Variants in GABRA1 observed in about 807,000 individuals in gnomAD.
GABRA1 encodes the protein gamma-aminobutyric acid receptor subunit alpha-1.
A neutral mutation model predicts 48.9 loss-of-function variants in GABRA1; 9 were observed. The observed-to-expected ratio is 0.18, with a 90% CI of 0.11 to 0.32. GABRA1 has a LOEUF of 0.32. Among genes scored for constraint, GABRA1 ranks in the 10% least tolerant of loss-of-function variants. GABRA1 has a pLI of 1.00. For missense variants in GABRA1, 285 were observed against 553.8 expected (o/e 0.51, Z 4.87); for synonymous variants, 210 against 198.7 (o/e 1.06, Z -0.48).
chr5:161,859,770 A>G lies in GABRA1; in HGVS notation c.187+5500A>G, dbSNP rs1484355037. On this transcript the variant is annotated intron_variant, in intron 3 of 9. Coordinates refer to ENST00000393943, the MANE Select transcript of GABRA1 (RefSeq NM_001127644.2). Reference sequence around the variant, plus strand: ...AAAACAAAATTTCAAAAAATAGGACAAGATAATTTCAGTCACAAAGTGATA... The same window carrying G: ...AAAACAAAATTTCAAAAAATAGGACGAGATAATTTCAGTCACAAAGTGATA... 3.3e-5 allele frequency among the ~76,000 whole-genome samples: 5 copies of G among 151,986 alleles called. No individual in the cohort carries two copies. The East Asian group carries it at 7.7e-4, about 24-fold the overall frequency.
rs1280552727 is a variant in GABRA1, at chr5:161,898,405, A to G, written c.*983A>G. On this transcript the variant is annotated 3_prime_UTR_variant, in exon 10 of 10. Coordinates refer to ENST00000393943, the MANE Select transcript of GABRA1 (RefSeq NM_001127644.2). ...ATTTATGACTAGCAAACAAAAATAG[A>G]ATATATAAACGATATATGTAAATAT... The G allele has an allele frequency of 6.6e-6, 1 of 152,584 alleles. No homozygotes were observed. Among genetic ancestry groups the G allele is most frequent in the Non-Finnish European group, 1.5e-5 (1 of 67,980 alleles). The allele number at this position is 152,584 out of a possible 1,614,324, so 9.5% of individuals were successfully genotyped here.
chr5:161,865,856 T>C (rs1199497127), intron 4 of GABRA1, 68 bp downstream of exon 4: 2 of 1,353,392 alleles, frequency 1.5e-6, no homozygotes, highest in African/African-American at 2.9e-5. Context: ...AAGAAAAATA[T>C]AAACTAAGTT....
intron 4 of GABRA1, among the ~76,000 whole-genome samples, chr5:161,866,496 C>A (rs1349608223): frequency 6.6e-6 from 1 of 151,932 alleles, no homozygotes; most frequent in African/African-American, 2.4e-5. Context: ...TGGAAACATA[C>A]CATTATGAAT....
chr5:161,895,309 A>C (rs1755312110), intron 8 of GABRA1, among the ~76,000 whole-genome samples: 1 of 152,186 alleles, frequency 6.6e-6, no homozygotes, highest in Non-Finnish European at 1.5e-5. Flanking sequence ...AGGCAAGTGA[A>C]GATCTGTGAT....
chr5:161,887,854 C>T (rs1185696456), intron 7 of GABRA1, among the ~76,000 whole-genome samples: 1 of 151,982 alleles, frequency 6.6e-6, no homozygotes, highest in Non-Finnish European at 1.5e-5. Context: ...TAATTTTATC[C>T]TCACATCCTC....
chr5:161,885,120 A>G (rs1428049628), intron 7 of GABRA1, among the ~76,000 whole-genome samples: 1 of 152,162 alleles, frequency 6.6e-6, no homozygotes, highest in East Asian at 1.9e-4. Context: ...CACATAGTGA[A>G]TATTAGGGGG....
chr5:161,868,806 C>A (rs1182623344), intron 4 of GABRA1, among the ~76,000 whole-genome samples: 1 of 152,110 alleles, frequency 6.6e-6, no homozygotes, highest in African/African-American at 2.4e-5. Flanking sequence ...ATTCCATAAA[C>A]CAATGTTGGA....
rs1389414642 is a variant in GABRA1, at chr5:161,897,148, A to G, written c.1097A>G (p.Asn366Ser). Residue 366 changes from asparagine (N) to serine (S), a missense_variant, in exon 10 of 10, where the codon AAC becomes AGC. Asn to Ser is a conservative substitution (Grantham distance 46). Coordinates refer to ENST00000393943, the MANE Select transcript of GABRA1 (RefSeq NM_001127644.2). ...KVKDPLIKKN[N>S]TYAPTATSYT... ...AAGGATCCTCTTATTAAGAAAAACAACACTTACGCTCCAACAGCAACCAGC... is the reference window on the plus strand; with the variant it reads ...AAGGATCCTCTTATTAAGAAAAACAGCACTTACGCTCCAACAGCAACCAGC... The G allele has an allele frequency of 6.2e-7, 1 of 1,614,136 alleles. No individual in the cohort carries two copies. The highest frequency in any genetic ancestry group is 8.5e-7 in the Non-Finnish European group (1 of 1,180,008).
intron 3 of GABRA1, among the ~76,000 whole-genome samples, chr5:161,860,038 C>A (rs1757792513): frequency 6.6e-6 from 1 of 151,692 alleles, no homozygotes; most frequent in Admixed American, 6.6e-5. Flanking sequence ...AATACATTTC[C>A]ACAGAAATAC....
intron 3 of GABRA1, among the ~76,000 whole-genome samples, chr5:161,857,407 G>A (rs1757690005): frequency 6.6e-6 from 1 of 151,476 alleles, no homozygotes; most frequent in Non-Finnish European, 1.5e-5. Flanking sequence ...GTATAGCACT[G>A]TTCTTAGTTT....
intron 6 of GABRA1, among the ~76,000 whole-genome samples, chr5:161,876,276 G>A (rs1754349961): frequency 6.6e-6 from 1 of 152,004 alleles, no homozygotes; most frequent in Admixed American, 6.6e-5. Flanking sequence ...AAAATATTCA[G>A]AAACACCTTG....
At chr5:161,881,136 T>A (rs191863706) in intron 6 of GABRA1, among the ~76,000 whole-genome samples, 5 of 152,338 alleles carry the variant, frequency 3.3e-5, no homozygotes, top group Non-Finnish European at 4.4e-5. Context: ...GCCCTGTGCC[T>A]AATGGAGAAG....
intron 7 of GABRA1, among the ~76,000 whole-genome samples, 189 bp downstream of exon 7, chr5:161,882,890 G>A (rs958591514): frequency 6.6e-6 from 1 of 152,068 alleles, no homozygotes; most frequent in Non-Finnish European, 1.5e-5. Flanking sequence ...AATGCCTCTT[G>A]GCCTCTGTTT....
chr5:161,881,437 T>C (rs1195400531), intron 6 of GABRA1, among the ~76,000 whole-genome samples: 1 of 152,142 alleles, frequency 6.6e-6, no homozygotes, highest in Non-Finnish European at 1.5e-5. Context: ...ATCAGAATTA[T>C]GACCTAACCT....
chr5:161,896,705 C>T (rs1442677314), intron 9 of GABRA1, among the ~76,000 whole-genome samples: 1 of 152,142 alleles, frequency 6.6e-6, no homozygotes, highest in African/African-American at 2.4e-5. Flanking sequence ...TCTTAAGATA[C>T]TCTCTGAAAA....
chr5:161,887,028 A>T (rs1754879372), intron 7 of GABRA1, among the ~76,000 whole-genome samples: 1 of 152,186 alleles, frequency 6.6e-6, no homozygotes, highest in Admixed American at 6.5e-5. Context: ...ATTGATCACG[A>T]AGCATAACAA....
Position 161,853,890 on chromosome 5 carries a change from C to A in GABRA1, c.75-268C>A, listed in dbSNP as rs140403663. On this transcript the variant is annotated intron_variant, in intron 2 of 9. Transcript: ENST00000393943. ...TGCTCAGAGAAGACGTGCATTGCAA[C>A]GTAATAAACATGATAAGAATTCAAA... 2.5e-3 allele frequency among the ~76,000 whole-genome samples: 381 copies of A among 151,518 alleles called. 6 individuals are homozygous for A. Among genetic ancestry groups the A allele is most frequent in the African/African-American group, 8.9e-3 (368 of 41,408 alleles).
intron 8 of GABRA1, among the ~76,000 whole-genome samples, chr5:161,895,410 C>G (rs1355559101): frequency 1.3e-5 from 2 of 152,104 alleles, no homozygotes; most frequent in Non-Finnish European, 1.5e-5. Context: ...AAGGAGCTTA[C>G]TATCTTCTGA....
chr5:161,861,546 G>A (rs1020622504), intron 3 of GABRA1, among the ~76,000 whole-genome samples: 3 of 151,688 alleles, frequency 2.0e-5, no homozygotes, highest in African/African-American at 7.3e-5. Flanking sequence ...GAAGAATCAG[G>A]GACTGGTCAA....
Sources: gnomAD v4.1 joint callset for allele counts (sites outside exome capture counted in the v4.1 genomes callset) on GRCh38, gnomAD v4.1.1 for gene constraint, MANE v1.5 for transcripts, NCBI Gene and HGNC (gene_info 2026-07-23, HGNC 2026-07-21) for gene names.